ARHGEF10: variants seen among roughly 807,000 people sequenced by gnomAD.
The protein encoded by ARHGEF10 is Rho guanine nucleotide exchange factor 10.
In ARHGEF10, 140 loss-of-function variants were observed where a neutral mutation model predicts 147.4. That is an observed-to-expected ratio of 0.95 (90% CI 0.83 to 1.09). The LOEUF is 1.09. ARHGEF10 is among the 50% of genes least tolerant of loss of function. The probability of loss-of-function intolerance (pLI) is 0.00; values close to 1 mark genes in which losing one functional copy is unlikely to be tolerated. For missense variants in ARHGEF10, 2,222 were observed against 1,752.7 expected (o/e 1.27, Z -4.78); for synonymous variants, 902 against 695.8 (o/e 1.30, Z -4.67).
At chr8:1,918,107 A>C (rs907262779) in intron 18 of ARHGEF10, among the ~76,000 whole-genome samples, 16 of 152,104 alleles carry the variant, frequency 1.1e-4, no homozygotes, top group African/African-American at 3.9e-4. Flanking sequence ...TTCTTTAATC[A>C]ATTTTGGCCT....
chr8:1,942,155 G>A (rs1442648482), intron 26 of ARHGEF10, among the ~76,000 whole-genome samples: 1 of 150,800 alleles, frequency 6.6e-6, no homozygotes, highest in Non-Finnish European at 1.5e-5. Context: ...TTGCTTCAAA[G>A]GACACTATCA....
In ARHGEF10 at chr8:1,917,865, C is replaced by T. The variant is rs775379638; in HGVS notation, c.2144-5099C>T. ...TCTTGGCTCACTGCAACCTCCACCT[C>T]CTGGGTTCAGGTGATTCTCCTGCCT... is the stretch of plus-strand genomic sequence containing the variant. On this transcript the variant is annotated intron_variant, in intron 18 of 28. Coordinates refer to ENST00000349830, the MANE Select transcript of ARHGEF10 (RefSeq NM_014629.4). Among the ~76,000 whole-genome samples, 15 of 152,218 alleles carry T rather than the reference C, an allele frequency of 9.9e-5. No individual in the cohort carries two copies. The South Asian group carries it at 1.2e-3, about 13-fold the overall frequency.
At chr8:1,858,674 C>T (rs1371670800) in intron 3 of ARHGEF10, 1 of 156,664 alleles carries the variant, frequency 6.4e-6, no homozygotes, top group East Asian at 1.9e-4. Context: ...AGGGACTGCT[C>T]AGGTCAGGCA....
In ARHGEF10 at chr8:1,948,854, C is replaced by G. The variant is rs932249230; in HGVS notation, c.3397+3199C>G. Among the ~76,000 whole-genome samples the G allele has an allele frequency of 6.6e-6, 1 of 152,152 alleles. No individual in the cohort carries two copies. Among genetic ancestry groups the G allele is most frequent in the Non-Finnish European group, 1.5e-5 (1 of 68,036 alleles). ...GGCATGCTCATACCGTGCTGAAGTGCGCGGATGCTGAGGTCGCCGGGCCGT... is the reference window on the plus strand; with the variant it reads ...GGCATGCTCATACCGTGCTGAAGTGGGCGGATGCTGAGGTCGCCGGGCCGT... On this transcript the variant is annotated intron_variant, in intron 27 of 28. Transcript: ENST00000349830. This position sits in a 1 kb window ranked among gnomAD's most constrained non-coding sequence, Gnocchi z 4.9.
rs1337693407 is a variant in ARHGEF10, at chr8:1,926,616, G to A, written c.2697+153G>A. On this transcript the variant is annotated intron_variant, in intron 23 of 28. Transcript: ENST00000349830. Reference sequence around the variant, plus strand: ...AGAAACATGAAAACTTCTTTGAAAGGGAGCTGATCACTTTTGGAAAAGATT... The same window carrying A: ...AGAAACATGAAAACTTCTTTGAAAGAGAGCTGATCACTTTTGGAAAAGATT... 4.1e-6 allele frequency: 3 copies of A among 728,670 alleles called. No individual in the cohort carries two copies. The South Asian group carries it at 4.5e-5, about 11-fold the overall frequency. 45.1% of individuals were successfully genotyped at this position (728,670 alleles called of 1,614,324 possible). A position where few individuals can be genotyped will look rare whatever the true frequency, so the allele number is the denominator to read the frequency against.
In ARHGEF10 at chr8:1,957,497, T is replaced by G. The variant is rs1815678472; in HGVS notation, c.*234T>G. 13 of 634,544 alleles carry G rather than the reference T, an allele frequency of 2.0e-5. No homozygotes were observed. In the South Asian group the frequency reaches 2.4e-4, roughly 12 times the overall value. The allele number at this position is 634,544 out of a possible 1,614,324, so 39.3% of individuals were successfully genotyped here. A position where few individuals can be genotyped will look rare whatever the true frequency, so the allele number is the denominator to read the frequency against. ...TCACGAAGGCAGAAGACTGATGCAA[T>G]TTTCGAGTAATTGAGTGCAGTTCTG... On this transcript the variant is annotated 3_prime_UTR_variant, in exon 29 of 29. Transcript: ENST00000349830.
intron 18 of ARHGEF10, among the ~76,000 whole-genome samples, chr8:1,913,109 G>A (rs544362611): frequency 2.6e-5 from 4 of 152,134 alleles, no homozygotes; most frequent in South Asian, 4.2e-4. Context: ...CCTAGTTCTC[G>A]AGGTCTGGTA....
chr8:1,845,345 T>G (rs1342212097), intron 2 of ARHGEF10, among the ~76,000 whole-genome samples: 4 of 152,196 alleles, frequency 2.6e-5, no homozygotes, highest in African/African-American at 7.2e-5. Context: ...AATGAGTGGT[T>G]GTCTTGGATA....
Position 1,830,467 on chromosome 8 carries a change from T to G in ARHGEF10, c.-48+6354T>G, listed in dbSNP as rs573795642. On this transcript the variant is annotated intron_variant, in intron 1 of 28. Transcript: ENST00000349830. ...GTGCTTATGTGTTTTTTGAATCAAG[T>G]TTTTATACTTGATTTAACTTCTATA... Among the ~76,000 whole-genome samples, 11 of 152,320 alleles carry G rather than the reference T, an allele frequency of 7.2e-5. No homozygotes were observed. In the South Asian group the frequency reaches 2.3e-3, roughly 32 times the overall value.
rs111377089 is a variant in ARHGEF10 at position 1,873,697 on chromosome 8, T to C, written c.680-2874T>C. Among the ~76,000 whole-genome samples the C allele has an allele frequency of 2.8e-3, 310 of 110,832 alleles. 1 individual carries two copies. Among genetic ancestry groups the C allele is most frequent in the African/African-American group, 4.9e-3 (144 of 29,400 alleles). 72.7% of individuals were successfully genotyped at this position (110,832 alleles called of 152,430 possible). ...CGCATTTCCTCGTTTCATTGAGCGG[T>C]GCCCGCGGGGTAGTGCACTCGCATT... On this transcript the variant is annotated intron_variant, in intron 7 of 28. Coordinates refer to ENST00000349830, the MANE Select transcript of ARHGEF10 (RefSeq NM_014629.4).
intron 18 of ARHGEF10, 140 bp downstream of exon 18, chr8:1,909,610 C>G (rs1447044926): frequency 8.3e-7 from 1 of 1,207,924 alleles, no homozygotes; most frequent in East Asian, 2.5e-5. Flanking sequence ...GATCCAGTCT[C>G]TAGAATCTGT....
At chr8:1,938,556 G>A (rs1813810254) in intron 26 of ARHGEF10, among the ~76,000 whole-genome samples, 3 of 152,200 alleles carry the variant, frequency 2.0e-5, no homozygotes, top group African/African-American at 7.2e-5. Context: ...CCTAAATAGT[G>A]CAACATAGTG....
At chr8:1,929,486 A>G in intron 25 of ARHGEF10, 43 bp downstream of exon 25, 2 of 1,561,454 alleles carry the variant, frequency 1.3e-6, no homozygotes, top group Non-Finnish European at 1.7e-6. Context: ...CTTGGGGTTC[A>G]CTCAGGGGAC....
chr8:1,882,588 G>A, intron 9 of ARHGEF10, 47 bp from the exon 10 acceptor site: 1 of 1,465,736 alleles, frequency 6.8e-7, no homozygotes, highest in Non-Finnish European at 9.4e-7. Context: ...AAAGTCGCAG[G>A]TGGGTTCTGC....
chr8:1,897,979 T>TC (rs1247361902), intron 14 of ARHGEF10, among the ~76,000 whole-genome samples: 4 of 151,982 alleles, frequency 2.6e-5, no homozygotes, highest in South Asian at 4.2e-4. Context: ...ACCTGGAGAC[T>TC]CCCCCCAGGT....
At chr8:1,911,655 G>T (rs1043961642) in intron 18 of ARHGEF10, among the ~76,000 whole-genome samples, 1 of 152,154 alleles carries the variant, frequency 6.6e-6, no homozygotes, top group Non-Finnish European at 1.5e-5. Flanking sequence ...ATCCAGGGTG[G>T]ACCGACAGTC....
rs66526026 is a variant in ARHGEF10 at position 1,892,277 on chromosome 8, C to CTGTGTGTGTGTGTG, written c.1183-1254_1183-1241dup. Among the ~76,000 whole-genome samples, 733 of 126,622 alleles carry CTGTGTGTGTGTGTG rather than the reference C, an allele frequency of 5.8e-3. 12 individuals are homozygous for CTGTGTGTGTGTGTG. The highest frequency in any genetic ancestry group is 0.019 in the African/African-American group (598 of 31,106). The allele number at this position is 126,622 out of a possible 152,430, so 83.1% of individuals were successfully genotyped here. A position where few individuals can be genotyped will look rare whatever the true frequency, so the allele number is the denominator to read the frequency against. ...AGCTGCAGCTTCCCAGCTTCTGGCT[C>CTGTGTGTGTGTGTG]TGTGTGTGTGTGTGTGTGTGTGTGT... On this transcript the variant is annotated intron_variant, in intron 11 of 28. Coordinates refer to ENST00000349830, the MANE Select transcript of ARHGEF10 (RefSeq NM_014629.4).
At chr8:1,951,686 C>T (rs1223203278) in intron 27 of ARHGEF10, among the ~76,000 whole-genome samples, 1 of 152,238 alleles carries the variant, frequency 6.6e-6, no homozygotes, top group Non-Finnish European at 1.5e-5. Flanking sequence ...CGTCACTTCT[C>T]AGGAGCAAGC....
At chr8:1,834,535 T>A (rs959149911) in intron 1 of ARHGEF10, among the ~76,000 whole-genome samples, 1 of 152,244 alleles carries the variant, frequency 6.6e-6, no homozygotes, top group African/African-American at 2.4e-5. Flanking sequence ...CCCAGGACAG[T>A]GGGGTTCTCC....
Sources: gnomAD v4.1 joint callset for allele counts (sites outside exome capture counted in the v4.1 genomes callset) on GRCh38, gnomAD v4.1.1 for gene constraint, Gnocchi (gnomAD v3.1) non-coding constraint, MANE v1.5 for transcripts, NCBI Gene and HGNC (gene_info 2026-07-23, HGNC 2026-07-21) for gene names.